CNOT4: variants seen among roughly 807,000 people sequenced by gnomAD.
CNOT4 encodes CCR4-NOT transcription complex subunit 4.
Under a neutral mutation model 73.8 loss-of-function variants are expected in CNOT4, and 8 were observed. The observed-to-expected ratio is 0.11, with a 90% CI of 0.06 to 0.20. CNOT4 has a LOEUF of 0.20. Ranked by LOEUF, CNOT4 falls within the 10% of genes least tolerant of loss-of-function variation. The probability of loss-of-function intolerance (pLI) is 1.00; values close to 1 mark genes in which losing one functional copy is unlikely to be tolerated. For missense variants in CNOT4, 564 were observed against 883.4 expected, an observed-to-expected ratio of 0.64 and a Z score of 4.58; for synonymous variants, 293 against 321.1, an observed-to-expected ratio of 0.91 and a Z score of 0.94.
rs1432303421 is a variant in CNOT4, at chr7:135,362,639, A to T, written c.*246T>A. The T allele has an allele frequency of 1.6e-6, 1 of 607,808 alleles. No individual in the cohort carries two copies. The highest frequency in any genetic ancestry group is 1.9e-5 in the African/African-American group (1 of 54,002). 37.7% of individuals were successfully genotyped at this position (607,808 alleles called of 1,614,324 possible). ...TTTGATTTTTTTTTCTCTCCTTAAA[A>T]AGGCATTTTTAGAAACATTCAACAG... On this transcript the variant is annotated 3_prime_UTR_variant, in exon 12 of 12. Coordinates refer to ENST00000541284, the MANE Select transcript of CNOT4 (RefSeq NM_001190850.2).
chr7:135,466,830 T>C (rs907219261), intron 1 of CNOT4, among the ~76,000 whole-genome samples: 1 of 152,210 alleles, frequency 6.6e-6, no homozygotes, highest in Non-Finnish European at 1.5e-5. Context: ...TACAGCAACA[T>C]ACCATACAGG....
chr7:135,503,421 C>A (rs1804133657), intron 1 of CNOT4, among the ~76,000 whole-genome samples: 1 of 151,510 alleles, frequency 6.6e-6, no homozygotes, highest in Non-Finnish European at 1.5e-5. Context: ...TAGGATCATG[C>A]CACTGCACTC....
In CNOT4 at chr7:135,362,769, C is replaced by A; in HGVS notation, c.*116G>T. ...GGGGTTAGGGAGAAAAAAAATTGAT[C>A]AGGTACTGGATTCTTCAGAACATAA... On this transcript the variant is annotated 3_prime_UTR_variant, in exon 12 of 12. Transcript: ENST00000541284. The A allele has an allele frequency of 1.0e-6, 1 of 967,904 alleles. No homozygotes were observed. The highest frequency in any genetic ancestry group is 1.3e-5 in the South Asian group (1 of 78,024). 60.0% of individuals were successfully genotyped at this position (967,904 alleles called of 1,614,324 possible). A position where few individuals can be genotyped will look rare whatever the true frequency, so the allele number is the denominator to read the frequency against.
At chr7:135,372,836 T>C (rs966152319) in intron 10 of CNOT4, among the ~76,000 whole-genome samples, 3 of 152,138 alleles carry the variant, frequency 2.0e-5, no homozygotes, top group African/African-American at 4.8e-5. Context: ...ATTACAGGCG[T>C]GAGCCACCGC....
intron 10 of CNOT4, among the ~76,000 whole-genome samples, chr7:135,378,788 C>T (rs554032115): frequency 2.4e-3 from 369 of 152,130 alleles, no homozygotes; most frequent in African/African-American, 8.1e-3. Context: ...GAGTTTCAGA[C>T]CAGCCTGGGC....
chr7:135,362,922 G>A lies in CNOT4; in HGVS notation c.2105C>T (p.Thr702Ile). Residue 702 changes from threonine (T) to isoleucine (I), a missense_variant, in exon 12 of 12, where the codon ACA becomes ATA. Around this residue, in one of 10 missense-constraint regions of CNOT4, gnomAD observed 88 missense variants for 94.7 expected, o/e 0.93. Coordinates refer to ENST00000541284, the MANE Select transcript of CNOT4 (RefSeq NM_001190850.2). Reference protein sequence around the residue: ...TAFRPPSKTPTDLLQSSTLDR... With the variant: ...TAFRPPSKTPIDLLQSSTLDR... ...CAGTGTTGAACTCTGTAGTAAATCT[G>A]TGGGGGTTTTGCTGGGGGGTCTGAA... 1.2e-6 allele frequency: 2 copies of A among 1,613,684 alleles called. No individual in the cohort carries two copies. The highest frequency in any genetic ancestry group is 2.2e-5 in the South Asian group (2 of 91,070).
At chr7:135,387,462 G>A (rs1284682356) in intron 10 of CNOT4, 1 of 982,158 alleles carries the variant, frequency 1.0e-6, no homozygotes, top group Non-Finnish European at 1.2e-6. Flanking sequence ...ACTCCAACAT[G>A]ACATTAAGTA....
At chr7:135,385,094 C>G (rs537614098) in intron 10 of CNOT4, among the ~76,000 whole-genome samples, 1 of 152,368 alleles carries the variant, frequency 6.6e-6, no homozygotes, top group African/African-American at 2.4e-5. Context: ...CAATGGCATA[C>G]TACTGGAATT....
chr7:135,451,639 G>A (rs182242395), intron 1 of CNOT4, among the ~76,000 whole-genome samples: 24 of 152,232 alleles, frequency 1.6e-4, no homozygotes, highest in Non-Finnish European at 2.9e-4. Context: ...CTCTACATAT[G>A]TATAGTATAA....
chr7:135,509,134 T>C (rs746228296), intron 1 of CNOT4: 1 of 152,196 alleles, frequency 6.6e-6, no homozygotes, highest in Non-Finnish European at 1.5e-5. Context: ...CTTCCCTTTT[T>C]CTGGAAGTGT....
chr7:135,390,126 T>C (rs1183999003), intron 10 of CNOT4, among the ~76,000 whole-genome samples: 1 of 152,018 alleles, frequency 6.6e-6, no homozygotes, highest in Non-Finnish European at 1.5e-5. Flanking sequence ...GTTGATACTG[T>C]TGATAAAAAG....
intron 10 of CNOT4, among the ~76,000 whole-genome samples, chr7:135,378,055 A>G (rs531935325): frequency 1.3e-5 from 2 of 152,352 alleles, no homozygotes; most frequent in African/African-American, 4.8e-5. Flanking sequence ...TATAGGAGCT[A>G]GAATTGCCTT....
At position 135,490,193 on chromosome 7, in the gene CNOT4, T is replaced by C. The variant is rs142619961; in HGVS notation, c.-93+19696A>G. 3.3e-3 allele frequency among the ~76,000 whole-genome samples: 504 copies of C among 152,368 alleles called. 1 individual carries two copies. The highest frequency in any genetic ancestry group is 4.2e-3 in the Non-Finnish European group (284 of 68,030). On this transcript the variant is annotated intron_variant, in intron 1 of 11. Transcript: ENST00000541284. ...TATCAATTTCCCTTTTGCTATCATG[T>C]CCACTATCATTCTGTTGAAACATTA...
intron 2 of CNOT4, among the ~76,000 whole-genome samples, chr7:135,433,533 T>C (rs1261264812): frequency 6.6e-6 from 1 of 151,802 alleles, no homozygotes; most frequent in East Asian, 1.9e-4. Context: ...ATTTTTCTTA[T>C]TGTTATTAGA....
Position 135,484,704 on chromosome 7 carries a change from G to A in CNOT4, c.-93+25185C>T, listed in dbSNP as rs1302782562. On this transcript the variant is annotated intron_variant, in intron 1 of 11. Transcript: ENST00000541284. Reference sequence around the variant, plus strand: ...CAGGAAGCGGAGGTTGCAGTGAGTCGAGATTGTGCCACTGCACTCTAGCCT... The same window carrying A: ...CAGGAAGCGGAGGTTGCAGTGAGTCAAGATTGTGCCACTGCACTCTAGCCT... 5.3e-5 allele frequency among the ~76,000 whole-genome samples: 8 copies of A among 150,172 alleles called. No individual in the cohort carries two copies. In the East Asian group the frequency reaches 1.2e-3, roughly 22 times the overall value.
At chr7:135,477,628 G>A (rs1802082063) in intron 1 of CNOT4, among the ~76,000 whole-genome samples, 1 of 152,152 alleles carries the variant, frequency 6.6e-6, no homozygotes, top group Admixed American at 6.5e-5. Context: ...CTTAATAGAT[G>A]CATCTCTACT....
chr7:135,450,380 G>T (rs199721316), intron 1 of CNOT4, among the ~76,000 whole-genome samples: 1 of 151,976 alleles, frequency 6.6e-6, no homozygotes, highest in East Asian at 1.9e-4. Context: ...GTGCAGTGGC[G>T]TGATCTCGGC....
chr7:135,437,694 T>G (rs75055991), intron 2 of CNOT4, among the ~76,000 whole-genome samples: 2,574 of 152,324 alleles, frequency 0.017, 41 homozygotes, highest in Non-Finnish European at 0.025. Context: ...TATTATCTTC[T>G]GAACGAGGAT....
intron 6 of CNOT4, among the ~76,000 whole-genome samples, chr7:135,411,247 G>C (rs1249489685): frequency 6.6e-6 from 1 of 151,824 alleles, no homozygotes; most frequent in Non-Finnish European, 1.5e-5. Context: ...CTAGACCCAG[G>C]GTCAGCAATT....
Sources: allele counts gnomAD v4.1 joint callset (sites outside exome capture counted in the v4.1 genomes callset), GRCh38; gene constraint gnomAD v4.1.1; regional missense constraint gnomAD v4.1.1; transcripts MANE v1.5; gene names NCBI Gene and HGNC (gene_info 2026-07-23, HGNC 2026-07-21).